Variants in SDK1 observed in about 807,000 individuals in gnomAD.
SDK1 encodes protein sidekick-1.
In SDK1, 157 loss-of-function variants were observed where a neutral mutation model predicts 245.5. The ratio of observed to expected loss-of-function variants is 0.64; its 90% confidence interval spans 0.56 to 0.73. The LOEUF (loss-of-function observed/expected upper bound fraction) is 0.73, where lower values mean the gene tolerates loss of function less well. Ranked by LOEUF, SDK1 falls within the 30% of genes least tolerant of loss-of-function variation. The pLI, the probability that SDK1 is intolerant of heterozygous loss-of-function variation, is 0.00. For missense variants in SDK1, 3,583 were observed against 3,002.3 expected, an observed-to-expected ratio of 1.19 and a Z score of -4.52; for synonymous variants, 1,647 against 1,278.5, an observed-to-expected ratio of 1.29 and a Z score of -6.15.
intron 1 of SDK1, among the ~76,000 whole-genome samples, chr7:3,613,501 G>C (rs549793376): frequency 1.3e-5 from 2 of 152,118 alleles, no homozygotes; most frequent in Admixed American, 6.5e-5. Context: ...CATTCTAACT[G>C]GTAGCTTATT....
intron 4 of SDK1, among the ~76,000 whole-genome samples, chr7:3,784,847 C>T (rs918096482): frequency 2.0e-5 from 3 of 152,204 alleles, no homozygotes; most frequent in Non-Finnish European, 4.4e-5. Flanking sequence ...GGCAATCCCA[C>T]CTCTGGGCAT....
chr7:4,169,140 G>A (rs1781678914), intron 32 of SDK1, among the ~76,000 whole-genome samples: 1 of 152,232 alleles, frequency 6.6e-6, no homozygotes, highest in Non-Finnish European at 1.5e-5. Flanking sequence ...CTCTCATTCA[G>A]CAAAGGGCTC....
intron 19 of SDK1, among the ~76,000 whole-genome samples, chr7:4,052,531 A>C (rs1778935180): frequency 6.6e-6 from 1 of 152,228 alleles, no homozygotes; most frequent in African/African-American, 2.4e-5. Flanking sequence ...CGAAACTCTG[A>C]AGATCAAAAA....
chr7:3,881,196 C>G (rs1781200434), intron 5 of SDK1, among the ~76,000 whole-genome samples: 1 of 152,008 alleles, frequency 6.6e-6, no homozygotes, highest in African/African-American at 2.4e-5. Context: ...CGAATCAACC[C>G]ACCACCTAGG....
At chr7:4,089,477 T>C (rs1781652944) in intron 22 of SDK1, among the ~76,000 whole-genome samples, 1 of 152,226 alleles carries the variant, frequency 6.6e-6, no homozygotes, top group Non-Finnish European at 1.5e-5. Context: ...CGGGCTGCTA[T>C]TCTCCAGCAG....
intron 22 of SDK1, among the ~76,000 whole-genome samples, chr7:4,079,874 GT>G (rs1324187483): frequency 6.6e-6 from 1 of 152,192 alleles, no homozygotes; most frequent in African/African-American, 2.4e-5. Flanking sequence ...CGTTGATTGA[GT>G]TTTTAAAAAT....
intron 1 of SDK1, among the ~76,000 whole-genome samples, chr7:3,304,704 T>G (rs1779371231): frequency 6.6e-6 from 1 of 152,228 alleles, no homozygotes; most frequent in Admixed American, 6.5e-5. Context: ...CATGTGATTA[T>G]AATACACATT....
At chr7:3,443,418 A>T (rs1188505404) in intron 1 of SDK1, among the ~76,000 whole-genome samples, 1 of 152,232 alleles carries the variant, frequency 6.6e-6, no homozygotes, top group Non-Finnish European at 1.5e-5. Context: ...ATTCAAGAGT[A>T]ATTAACCAAA....
chr7:3,489,469 T>G (rs1781803589), intron 1 of SDK1, among the ~76,000 whole-genome samples: 1 of 152,216 alleles, frequency 6.6e-6, no homozygotes, highest in Non-Finnish European at 1.5e-5. Flanking sequence ...TTTACCATTT[T>G]CTTTATAATT....
At chr7:3,875,876 G>C (rs934578810) in intron 5 of SDK1, among the ~76,000 whole-genome samples, 2 of 152,168 alleles carry the variant, frequency 1.3e-5, no homozygotes, top group African/African-American at 4.8e-5. Flanking sequence ...GCAGCTGGTA[G>C]GTCCTGGTGT....
At chr7:3,581,146 A>G (rs911212642) in intron 1 of SDK1, among the ~76,000 whole-genome samples, 4 of 152,178 alleles carry the variant, frequency 2.6e-5, no homozygotes, top group Non-Finnish European at 5.9e-5. Flanking sequence ...TTGCAGAGCA[A>G]AATAAACTAT....
At chr7:3,552,075 G>T (rs1779436356) in intron 1 of SDK1, among the ~76,000 whole-genome samples, 1 of 151,576 alleles carries the variant, frequency 6.6e-6, no homozygotes, top group Admixed American at 6.6e-5. Flanking sequence ...GCCTCGCTCT[G>T]TCGCCCAGGC....
At chr7:4,258,327 G>T (rs1238612442) in intron 44 of SDK1, among the ~76,000 whole-genome samples, 1 of 152,114 alleles carries the variant, frequency 6.6e-6, no homozygotes, top group Non-Finnish European at 1.5e-5. Context: ...CCTACAGCCT[G>T]GCAGCTGCAG....
At chr7:3,639,374 G>T (rs982267699) in intron 3 of SDK1, among the ~76,000 whole-genome samples, 1 of 152,138 alleles carries the variant, frequency 6.6e-6, no homozygotes, top group Non-Finnish European at 1.5e-5. Context: ...AAAGTGAATG[G>T]GGTGCCTTCT....
intron 7 of SDK1, among the ~76,000 whole-genome samples, chr7:3,956,881 G>T (rs1171700189): frequency 6.6e-6 from 1 of 152,150 alleles, no homozygotes; most frequent in Non-Finnish European, 1.5e-5. Flanking sequence ...CCGTCTCCCT[G>T]ACCCCAGCGA....
At chr7:4,147,204 C>A (rs552023079) in intron 29 of SDK1, among the ~76,000 whole-genome samples, 65 of 152,298 alleles carry the variant, frequency 4.3e-4, no homozygotes, top group African/African-American at 1.5e-3. Context: ...ATTTTTGAAA[C>A]AAGTCTTGCT....
At chr7:3,814,470 G>C (rs62437948) in intron 4 of SDK1, among the ~76,000 whole-genome samples, 16 of 151,496 alleles carry the variant, frequency 1.1e-4, no homozygotes, top group Admixed American at 8.5e-4. Context: ...CCGTTGATCT[G>C]TATCTCTGTT....
intron 1 of SDK1, among the ~76,000 whole-genome samples, chr7:3,435,693 A>G (rs1306402915): frequency 6.6e-6 from 1 of 151,694 alleles, no homozygotes; most frequent in Non-Finnish European, 1.5e-5. Context: ...GTGAAGGGTA[A>G]CTCATCTCTA....
chr7:4,097,486 C>T (rs1325126745), intron 22 of SDK1, among the ~76,000 whole-genome samples: 2 of 152,206 alleles, frequency 1.3e-5, no homozygotes, highest in Non-Finnish European at 2.9e-5. Context: ...GACAGGGCAT[C>T]GCACACATGC....
Sources: gnomAD v4.1 joint callset for allele counts (sites outside exome capture counted in the v4.1 genomes callset) on GRCh38, gnomAD v4.1.1 for gene constraint, MANE v1.5 for transcripts, NCBI Gene and HGNC (gene_info 2026-07-23, HGNC 2026-07-21) for gene names.